CNTNAP2: variants seen among roughly 807,000 people sequenced by gnomAD.
CNTNAP2 encodes the protein contactin associated protein 2.
Under a neutral mutation model 155.2 loss-of-function variants are expected in CNTNAP2, and 98 were observed. That is an observed-to-expected ratio of 0.63 (90% CI 0.54 to 0.75). The LOEUF (loss-of-function observed/expected upper bound fraction) is 0.75. CNTNAP2 is among the 30% of genes least tolerant of loss of function. CNTNAP2 has a pLI of 0.00. For missense variants in CNTNAP2, 1,727 were observed against 1,688.1 expected (o/e 1.02, Z -0.40); for synonymous variants, 651 against 631.2 (o/e 1.03, Z -0.47).
Position 148,172,446 on chromosome 7 carries a change from A to G in CNTNAP2, c.2978A>G (p.Asn993Ser), listed in dbSNP as rs1585166335. 1 of 1,614,220 alleles carries G rather than the reference A, an allele frequency of 6.2e-7. No individual in the cohort carries two copies. Among genetic ancestry groups the G allele is most frequent in the Non-Finnish European group, 8.5e-7 (1 of 1,180,030 alleles). The change falls in exon 18 of 24, where the codon AAT becomes AGT. Residue 993 changes from asparagine to serine, a missense_variant. Physicochemically the swap from Asn to Ser is conservative, Grantham distance 46 (BLOSUM62 1). Coordinates refer to ENST00000361727, the MANE Select transcript of CNTNAP2 (RefSeq NM_014141.6). The part of the protein sequence containing the change: ...RYHGYSCDCS[N>S]TAYDGTFCNK... ...CACGGTTACTCCTGCGATTGCTCTA[A>G]TACTGCATATGATGGAACATTTTGC...
At chr7:148,306,244 G>T (rs1008836266) in intron 21 of CNTNAP2, among the ~76,000 whole-genome samples, 7 of 152,056 alleles carry the variant, frequency 4.6e-5, no homozygotes, top group Admixed American at 4.6e-4. Flanking sequence ...AAGATTTTAG[G>T]TTCTTATTCT....
At position 146,522,671 on chromosome 7, in the gene CNTNAP2, A is replaced by G. The variant is rs575603816; in HGVS notation, c.98-251600A>G. Among the ~76,000 whole-genome samples, 4 of 151,888 alleles carry G rather than the reference A, an allele frequency of 2.6e-5. No homozygotes were observed. The East Asian group carries it at 5.8e-4, about 22-fold the overall frequency. ...TTTTAGATATTATAGTATCAGGAAA[A>G]TATAAGGAAAGAAAATTAGCTCAAG... On this transcript the variant is annotated intron_variant, in intron 1 of 23. Transcript: ENST00000361727.
intron 21 of CNTNAP2, among the ~76,000 whole-genome samples, chr7:148,345,264 C>T (rs921300115): frequency 1.3e-5 from 2 of 152,076 alleles, no homozygotes; most frequent in Non-Finnish European, 2.9e-5. Flanking sequence ...ATTCAAGGTA[C>T]GGAGAATGAT....
Position 146,780,022 on chromosome 7 carries a change from G to T in CNTNAP2, c.208+5641G>T, listed in dbSNP as rs564090263. 5.9e-5 allele frequency among the ~76,000 whole-genome samples: 9 copies of T among 152,154 alleles called. No homozygotes were observed. The East Asian group carries it at 1.7e-3, about 29-fold the overall frequency. On this transcript the variant is annotated intron_variant, in intron 2 of 23. Transcript: ENST00000361727. ...TACTAGAATGATTTATAATCCTTTG[G>T]GTGTGTACCCAGTAATGGGATTGCT...
In CNTNAP2 at chr7:147,163,785, T is replaced by C. The variant is rs924136042; in HGVS notation, c.1348+31276T>C. Among the ~76,000 whole-genome samples, 4 of 152,204 alleles carry C rather than the reference T, an allele frequency of 2.6e-5. No individual in the cohort carries two copies. In the East Asian group the frequency reaches 7.7e-4, roughly 29 times the overall value. ...GGATTTGTAAATTGGACATCTCAAA[T>C]GGAAGAACAGAGTAGATGGCTCACA... On this transcript the variant is annotated intron_variant, in intron 8 of 23. Transcript: ENST00000361727.
At chr7:146,403,907 C>T (rs912618797) in intron 1 of CNTNAP2, among the ~76,000 whole-genome samples, 8 of 151,766 alleles carry the variant, frequency 5.3e-5, no homozygotes, top group African/African-American at 1.9e-4. Context: ...GGGCGGATCA[C>T]GAGGTCAGGA....
At chr7:148,279,602 C>T (rs566517651) in intron 21 of CNTNAP2, among the ~76,000 whole-genome samples, 4 of 152,288 alleles carry the variant, frequency 2.6e-5, no homozygotes, top group African/African-American at 4.8e-5. Flanking sequence ...TATCAGAAAC[C>T]GAACACCACC....
chr7:148,148,978 A>G (rs937891339), intron 17 of CNTNAP2, among the ~76,000 whole-genome samples: 5 of 152,240 alleles, frequency 3.3e-5, no homozygotes, highest in Non-Finnish European at 7.3e-5. Flanking sequence ...AATTAGCTAA[A>G]TATCAGGTCC....
At chr7:147,717,750 C>T (rs527607469) in intron 13 of CNTNAP2, among the ~76,000 whole-genome samples, 17 of 151,980 alleles carry the variant, frequency 1.1e-4, no homozygotes, top group South Asian at 4.2e-4. Context: ...ATGGGCAGGG[C>T]GGGGCACATG....
intron 18 of CNTNAP2, among the ~76,000 whole-genome samples, chr7:148,208,177 G>T (rs1795485979): frequency 1.3e-5 from 2 of 152,236 alleles, no homozygotes; most frequent in Middle Eastern, 3.4e-3. Flanking sequence ...GCCCAAGAGA[G>T]AACAGATGCA....
At chr7:147,903,806 A>G in intron 14 of CNTNAP2, 85 bp downstream of exon 14, 1 of 1,507,884 alleles carries the variant, frequency 6.6e-7, no homozygotes, top group Non-Finnish European at 9.0e-7. Flanking sequence ...AAGTTTGAAA[A>G]GTGCTATAAT....
At chr7:147,291,358 C>T (rs757065477) in intron 8 of CNTNAP2, among the ~76,000 whole-genome samples, 8 of 152,026 alleles carry the variant, frequency 5.3e-5, no homozygotes, top group Non-Finnish European at 1.0e-4. Flanking sequence ...GTGTGATGTT[C>T]CCCTCCCTGT....
intron 13 of CNTNAP2, among the ~76,000 whole-genome samples, chr7:147,645,553 C>T (rs1795352273): frequency 6.6e-6 from 1 of 152,154 alleles, no homozygotes; most frequent in Non-Finnish European, 1.5e-5. Flanking sequence ...GTTTCATACT[C>T]AGACAACTAG....
At chr7:146,382,598 CAAATA>C (rs1048891858) in intron 1 of CNTNAP2, among the ~76,000 whole-genome samples, 1 of 152,032 alleles carries the variant, frequency 6.6e-6, no homozygotes, top group Non-Finnish European at 1.5e-5. Flanking sequence ...AGCAATTTAA[CAAATA>C]AAATAGATAA....
intron 15 of CNTNAP2, among the ~76,000 whole-genome samples, chr7:148,113,823 C>G (rs1243520665): frequency 6.6e-6 from 1 of 152,210 alleles, no homozygotes. Context: ...TTCTGTAAAG[C>G]TTTTGACTCC....
intron 1 of CNTNAP2, among the ~76,000 whole-genome samples, chr7:146,431,647 A>C (rs1019395610): frequency 6.6e-6 from 1 of 152,058 alleles, no homozygotes; most frequent in South Asian, 2.1e-4. Context: ...TTCCATTTTC[A>C]TAATGAGAAG....
chr7:146,405,832 C>T (rs368612710), intron 1 of CNTNAP2, among the ~76,000 whole-genome samples: 1 of 152,060 alleles, frequency 6.6e-6, no homozygotes, highest in Non-Finnish European at 1.5e-5. Context: ...AAAGTTTAAC[C>T]TTTTTAGGAC....
intron 1 of CNTNAP2, among the ~76,000 whole-genome samples, chr7:146,445,899 T>C (rs2129121052): frequency 6.6e-6 from 1 of 152,282 alleles, no homozygotes; most frequent in Middle Eastern, 3.4e-3. Context: ...TTCTAGTATC[T>C]CGGGTAGGAA....
intron 1 of CNTNAP2, among the ~76,000 whole-genome samples, chr7:146,516,414 A>C (rs1214277319): frequency 2.6e-5 from 4 of 152,028 alleles, no homozygotes; most frequent in African/African-American, 9.7e-5. Context: ...TAAATGAAAA[A>C]GGTAATGCAA....
Sources: gnomAD v4.1 joint callset for allele counts (sites outside exome capture counted in the v4.1 genomes callset) on GRCh38, gnomAD v4.1.1 for gene constraint, MANE v1.5 for transcripts, NCBI Gene and HGNC (gene_info 2026-07-23, HGNC 2026-07-21) for gene names.